PAK3: variants seen among roughly 807,000 people sequenced by gnomAD.
The protein encoded by PAK3 is serine/threonine-protein kinase PAK 3.
A neutral mutation model predicts 41.0 loss-of-function variants in PAK3; 4 were observed. That is an observed-to-expected ratio of 0.10 (90% CI 0.05 to 0.22). The LOEUF (loss-of-function observed/expected upper bound fraction) is 0.22, where lower values mean the gene tolerates loss of function less well. Among genes scored for constraint, PAK3 ranks in the 10% least tolerant of loss-of-function variants. The pLI is 1.00. For synonymous variants in PAK3, 146 were observed against 139.6 expected (o/e 1.05, Z -0.32); for missense variants, 205 against 409.9 (o/e 0.50, Z 4.32).
At chrX:111,114,703 G>T (rs1038308166) in intron 4 of PAK3, among the ~76,000 whole-genome samples, 4 of 111,707 alleles carry the variant, frequency 3.6e-5, no homozygotes, top group Non-Finnish European at 5.6e-5. Context: ...GTACTATGAC[G>T]TAGAGGATTT....
At chrX:111,007,647 G>T (rs1158190290) in intron 1 of PAK3, among the ~76,000 whole-genome samples, 1 of 111,808 alleles carries the variant, frequency 8.9e-6, no homozygotes, top group Non-Finnish European at 1.9e-5. Flanking sequence ...CTCTCACTTG[G>T]AGGACCCTGC....
At chrX:110,986,648 C>T (rs1415713399) in intron 1 of PAK3, among the ~76,000 whole-genome samples, 1 of 111,455 alleles carries the variant, frequency 9.0e-6, no homozygotes, top group Non-Finnish European at 1.9e-5. Flanking sequence ...TTCTTAGAAC[C>T]AGAGAAGGAA....
chrX:110,982,581 C>G (rs769461328), intron 1 of PAK3, among the ~76,000 whole-genome samples: 67 of 112,185 alleles, frequency 6.0e-4, no homozygotes, highest in Non-Finnish European at 8.1e-4. Flanking sequence ...CGAAAAGAAC[C>G]CTGACAATTC....
chrX:111,022,906 A>ATG (rs1250311025), intron 1 of PAK3, among the ~76,000 whole-genome samples: 2 of 110,478 alleles, frequency 1.8e-5, no homozygotes, highest in African/African-American at 6.6e-5. Context: ...ATATATATAT[A>ATG]TATACTTTAA....
intron 11 of PAK3, among the ~76,000 whole-genome samples, chrX:111,190,272 C>T (rs993170016): frequency 9.0e-6 from 1 of 111,399 alleles, no homozygotes; most frequent in African/African-American, 3.3e-5. Flanking sequence ...AATAAAGTAG[C>T]TCATTTCCTG....
At chrX:111,060,292 G>A (rs1036169130) in intron 1 of PAK3, among the ~76,000 whole-genome samples, 8 of 111,803 alleles carry the variant, frequency 7.2e-5, no homozygotes, top group African/African-American at 2.6e-4. Context: ...CTTGGTCATG[G>A]TGTATATTCC....
chrX:111,063,609 G>T (rs1447756144), intron 1 of PAK3, among the ~76,000 whole-genome samples: 1 of 111,144 alleles, frequency 9.0e-6, no homozygotes, highest in East Asian at 2.8e-4. Flanking sequence ...GGCATTCATT[G>T]CAAAAGCAAT....
chrX:111,196,438 C>T lies in PAK3; in HGVS notation c.1211-6C>T. On this transcript the variant is annotated splice_polypyrimidine_tract_variant and splice_region_variant and intron_variant, in intron 15 of 17. Transcript: ENST00000372007. ...GCTTATTTTAACTGGCTTTTCTTCT[C>T]TGCAGCTGACTTTGGGTTCTGTGCC... 8.3e-7 allele frequency: 1 copy of T among 1,203,732 alleles called. No individual in the cohort carries two copies. The highest frequency in any genetic ancestry group is 1.1e-6 in the Non-Finnish European group (1 of 888,111).
Position 111,132,124 on chromosome X carries a change from T to C in PAK3, c.175+8846T>C, listed in dbSNP as rs750626923. 6.3e-5 allele frequency among the ~76,000 whole-genome samples: 7 copies of C among 111,256 alleles called. No individual in the cohort carries two copies. The East Asian group carries it at 2.0e-3, about 32-fold the overall frequency. ...TTTGGGGCACTAACTGACAGCCTTT[T>C]AGTAACAGATAAATCAATGGACCAC... On this transcript the variant is annotated intron_variant, in intron 5 of 17. Coordinates refer to ENST00000372007, the MANE Select transcript of PAK3 (RefSeq NM_002578.5).
At chrX:111,058,264 C>T (rs1168537788) in intron 1 of PAK3, among the ~76,000 whole-genome samples, 2 of 111,761 alleles carry the variant, frequency 1.8e-5, no homozygotes, top group Admixed American at 1.9e-4. Context: ...TGAACTGTTT[C>T]TGCAATGGTT....
intron 1 of PAK3, among the ~76,000 whole-genome samples, chrX:111,040,544 C>T (rs914051018): frequency 1.8e-5 from 2 of 111,373 alleles, no homozygotes; most frequent in African/African-American, 6.5e-5. Flanking sequence ...TATGACAAAT[C>T]ATGGTTCACA....
Position 111,168,834 on chromosome X carries a change from T to C in PAK3, c.767-4184T>C, listed in dbSNP as rs767254396. ...ACTTTTTTAGAAGACTATAAACTGCTTAATAAAATTATGGCTTCAAGTGAC... is the reference window on the plus strand; with the variant it reads ...ACTTTTTTAGAAGACTATAAACTGCCTAATAAAATTATGGCTTCAAGTGAC... On this transcript the variant is annotated intron_variant, in intron 10 of 17. Coordinates refer to ENST00000372007, the MANE Select transcript of PAK3 (RefSeq NM_002578.5). Among the ~76,000 whole-genome samples, 122 of 111,777 alleles carry C rather than the reference T, an allele frequency of 1.1e-3. 1 individual carries two copies. The highest frequency in any genetic ancestry group is 3.5e-3 in the African/African-American group (109 of 30,871).
At chrX:111,071,715 C>T (rs2092746312) in intron 1 of PAK3, among the ~76,000 whole-genome samples, 1 of 111,992 alleles carries the variant, frequency 8.9e-6, no homozygotes. Context: ...TTTGGTCACA[C>T]AGGTGGTTTA....
chrX:111,213,837 G>A (rs1387121726), intron 16 of PAK3, among the ~76,000 whole-genome samples: 4 of 112,192 alleles, frequency 3.6e-5, no homozygotes, highest in Non-Finnish European at 5.6e-5. Flanking sequence ...AAGAAGAAAA[G>A]CAGTTTGAAC....
chrX:111,123,058 T>C lies in PAK3; in HGVS notation c.-27-19T>C, dbSNP rs374717025. On this transcript the variant is annotated intron_variant, in intron 4 of 17. Coordinates refer to ENST00000372007, the MANE Select transcript of PAK3 (RefSeq NM_002578.5). ...ACCTCTTCTCCCTCAACTCCTTTTT[T>C]TTCCCTCCTTTTCTTTAGGAGCTGT... 49 of 1,037,746 alleles carry C rather than the reference T, an allele frequency of 4.7e-5. No homozygotes were observed. Among genetic ancestry groups the C allele is most frequent in the Non-Finnish European group, 6.6e-5 (49 of 738,106 alleles). 85.5% of individuals were successfully genotyped at this position (1,037,746 alleles called of 1,213,427 possible). A position where few individuals can be genotyped will look rare whatever the true frequency, so the allele number is the denominator to read the frequency against.
At chrX:111,106,713 A>C (rs1316873269) in intron 4 of PAK3, among the ~76,000 whole-genome samples, 1 of 111,899 alleles carries the variant, frequency 8.9e-6, no homozygotes, top group Non-Finnish European at 1.9e-5. Context: ...TGCAAGAAAT[A>C]GTTTATATTC....
At chrX:111,089,050 C>A (rs2148853538) in intron 1 of PAK3, among the ~76,000 whole-genome samples, 1 of 111,708 alleles carries the variant, frequency 9.0e-6, no homozygotes, top group African/African-American at 3.3e-5. Context: ...TCCTCTTCAG[C>A]CAAGTTGGTA....
chrX:111,059,510 A>C (rs2092637198), intron 1 of PAK3, among the ~76,000 whole-genome samples: 1 of 111,364 alleles, frequency 9.0e-6, no homozygotes, highest in Non-Finnish European at 1.9e-5. Flanking sequence ...ATTGCATCGC[A>C]TCTATAGGTC....
chrX:111,113,918 TTCCAGCTTCATCTGTG>T (rs1315390536), intron 4 of PAK3, among the ~76,000 whole-genome samples: 1 of 111,801 alleles, frequency 8.9e-6, no homozygotes, highest in Non-Finnish European at 1.9e-5. Context: ...GAATGATGGT[TTCCAGCTTCATCTGTG>T]TCCCTACAGA....
Sources: allele counts gnomAD v4.1 joint callset (sites outside exome capture counted in the v4.1 genomes callset), GRCh38; gene constraint gnomAD v4.1.1; transcripts MANE v1.5; gene names NCBI Gene and HGNC (gene_info 2026-07-23, HGNC 2026-07-21).